Variants in PRKAR1A observed in about 807,000 individuals in gnomAD.
PRKAR1A encodes cAMP-dependent protein kinase type I-alpha regulatory subunit.
In PRKAR1A, 3 loss-of-function variants were observed where a neutral mutation model predicts 52.0. The ratio of observed to expected loss-of-function variants is 0.06; its 90% CI spans 0.03 to 0.15. The LOEUF (loss-of-function observed/expected upper bound fraction) is 0.15. Among genes scored for constraint, PRKAR1A ranks in the 10% least tolerant of loss-of-function variants. PRKAR1A has a pLI of 1.00. For missense variants in PRKAR1A, 240 were observed against 477.4 expected, an observed-to-expected ratio of 0.50 and a Z score of 4.63; for synonymous variants, 188 against 168.4, an observed-to-expected ratio of 1.12 and a Z score of -0.90.
At chr17:68,479,256 C>T in the PRKAR1A span, among the ~76,000 whole-genome samples, 2 of 152,108 alleles carry the variant, frequency 1.3e-5, no homozygotes, top group African/African-American at 4.8e-5. Context: ...GTGTTTTATT[C>T]CTTCATCTTC....
At chr17:68,450,812 C>T in the PRKAR1A span, 1 of 1,614,188 alleles carries the variant, frequency 6.2e-7, no homozygotes, top group South Asian at 1.1e-5. Flanking sequence ...GATACACGTT[C>T]ATCTGCCGTG....
At chr17:68,432,249 C>T in the PRKAR1A span, among the ~76,000 whole-genome samples, 4 of 152,192 alleles carry the variant, frequency 2.6e-5, no homozygotes, top group South Asian at 4.1e-4. Flanking sequence ...GATGAGGGGA[C>T]GTCAGTCCCA....
chr17:68,528,408 A>T (rs1012764163), intron 8 of PRKAR1A, among the ~76,000 whole-genome samples: 1 of 152,066 alleles, frequency 6.6e-6, no homozygotes, highest in Non-Finnish European at 1.5e-5. Flanking sequence ...TGTGTTTTGG[A>T]TAGTAGTTTG....
At chr17:68,474,952 T>A in the PRKAR1A span, among the ~76,000 whole-genome samples, 2 of 152,172 alleles carry the variant, frequency 1.3e-5, no homozygotes, top group African/African-American at 4.8e-5. Context: ...TAAGTAAATT[T>A]TAAAAAAAAT....
At chr17:68,489,210 A>ATATATATATATATATATATATGGAAAG in the PRKAR1A span, among the ~76,000 whole-genome samples, 1 of 47,130 alleles carries the variant, frequency 2.1e-5, no homozygotes, top group Non-Finnish European at 3.6e-5. Flanking sequence ...ATATATATAT[A>ATATATATATATATATATATATGGAAAG]TATATATATA....
chr17:68,476,010 T>C, the PRKAR1A span, among the ~76,000 whole-genome samples: 1 of 152,128 alleles, frequency 6.6e-6, no homozygotes, highest in African/African-American at 2.4e-5. Flanking sequence ...ATGCCTTCTG[T>C]GTAGTTTAAT....
At chr17:68,525,243 GC>G (rs970437087) in intron 6 of PRKAR1A, among the ~76,000 whole-genome samples, 2 of 149,388 alleles carry the variant, frequency 1.3e-5, no homozygotes, top group African/African-American at 4.9e-5. Flanking sequence ...GGTTGCTTGA[GC>G]CCAGGAGTTC....
At chr17:68,435,783 T>C in the PRKAR1A span, 2 of 1,352,176 alleles carry the variant, frequency 1.5e-6, no homozygotes, top group Non-Finnish European at 2.1e-6. Flanking sequence ...TCCCTCCCCT[T>C]CCTCTTTTCT....
chr17:68,504,595 A>C, the PRKAR1A span, among the ~76,000 whole-genome samples: 3 of 152,188 alleles, frequency 2.0e-5, no homozygotes, highest in Admixed American at 6.5e-5. Flanking sequence ...AGCACAGAAA[A>C]ACTTCACATA....
intron 6 of PRKAR1A, 82 bp from the exon 7 acceptor site, chr17:68,525,672 C>A: frequency 6.8e-7 from 1 of 1,469,880 alleles, no homozygotes; most frequent in Non-Finnish European, 9.5e-7. Flanking sequence ...GGATTGTGAC[C>A]TTTTAAAAAG....
At chr17:68,546,656 C>T (rs2086579948) in intron 11 of PRKAR1A, among the ~76,000 whole-genome samples, 1 of 152,032 alleles carries the variant, frequency 6.6e-6, no homozygotes, top group South Asian at 2.1e-4. Context: ...CGGTGAAACC[C>T]TGTCTCTACT....
the PRKAR1A span, chr17:68,427,128 C>T: frequency 6.2e-7 from 1 of 1,612,180 alleles, no homozygotes; most frequent in Admixed American, 1.7e-5. Flanking sequence ...GCCCCGTGTC[C>T]ACCCACCTGG....
chr17:68,480,025 C>T, the PRKAR1A span, among the ~76,000 whole-genome samples: 2 of 152,292 alleles, frequency 1.3e-5, no homozygotes, highest in South Asian at 4.2e-4. Flanking sequence ...CCCACCAGGT[C>T]CCTCCCACAG....
the PRKAR1A span, among the ~76,000 whole-genome samples, chr17:68,434,017 G>A: frequency 2.0e-5 from 3 of 151,946 alleles, no homozygotes; most frequent in African/African-American, 7.3e-5. Context: ...TGATCTGCCT[G>A]CCTTGGCCTC....
At chr17:68,435,036 G>C in the PRKAR1A span, among the ~76,000 whole-genome samples, 2 of 151,944 alleles carry the variant, frequency 1.3e-5, no homozygotes, top group African/African-American at 2.4e-5. Flanking sequence ...GTGAAACCCC[G>C]TCTCCACTAA....
At chr17:68,538,135 C>G (rs1009228076), downstream of PRKAR1A, among the ~76,000 whole-genome samples, 2 of 152,198 alleles carry the variant, frequency 1.3e-5, no homozygotes, top group Non-Finnish European at 2.9e-5. Context: ...TCAAAATCCC[C>G]CAGTACTGCC....
At chr17:68,536,914 G>A (rs752878094), downstream of PRKAR1A, 5 of 453,940 alleles carry the variant, frequency 1.1e-5, no homozygotes, top group Admixed American at 2.3e-5. Context: ...CTCCAGGACC[G>A]GGCAGTAGGG....
the PRKAR1A span, among the ~76,000 whole-genome samples, chr17:68,465,738 G>A: frequency 6.7e-6 from 1 of 148,870 alleles, no homozygotes; most frequent in South Asian, 2.1e-4. Context: ...CAAAGTGCTG[G>A]GATTACAGGC....
the PRKAR1A span, among the ~76,000 whole-genome samples, chr17:68,441,278 AACAG>A: frequency 2.0e-5 from 3 of 152,340 alleles, no homozygotes; most frequent in East Asian, 3.9e-4. Flanking sequence ...GCATGACACA[AACAG>A]ACAGAAAGAA....
Sources: gnomAD v4.1 joint callset for allele counts (sites outside exome capture counted in the v4.1 genomes callset) on GRCh38, gnomAD v4.1.1 for gene constraint, MANE v1.5 for transcripts, NCBI Gene and HGNC (gene_info 2026-07-23, HGNC 2026-07-21) for gene names.